AMPH: variants seen among roughly 807,000 people sequenced by gnomAD.
The protein encoded by AMPH is amphiphysin.
A neutral mutation model predicts 99.1 loss-of-function variants in AMPH; 49 were observed. That is an observed-to-expected ratio of 0.49 (90% CI 0.39 to 0.63). The LOEUF (loss-of-function observed/expected upper bound fraction) is 0.63. Among genes scored for constraint, AMPH ranks in the 20% least tolerant of loss-of-function variants. The probability of loss-of-function intolerance (pLI) is 0.00; values close to 1 mark genes in which losing one functional copy is unlikely to be tolerated. For synonymous variants in AMPH, 314 were observed against 317.3 expected, an observed-to-expected ratio of 0.99 and a Z score of 0.11; for missense variants, 759 against 863.4, an observed-to-expected ratio of 0.88 and a Z score of 1.52.
chr7:38,398,672 T>A (rs1784755751), intron 17 of AMPH, among the ~76,000 whole-genome samples: 1 of 152,106 alleles, frequency 6.6e-6, no homozygotes, highest in Non-Finnish European at 1.5e-5. Context: ...TTGTACATTT[T>A]AAAATAACTA....
At chr7:38,618,176 A>G (rs1368075174) in intron 1 of AMPH, among the ~76,000 whole-genome samples, 1 of 152,214 alleles carries the variant, frequency 6.6e-6, no homozygotes, top group African/African-American at 2.4e-5. Flanking sequence ...GACAGTATAA[A>G]TGCATTATTG....
At chr7:38,474,509 A>C (rs1403881068) in intron 7 of AMPH, among the ~76,000 whole-genome samples, 1 of 152,198 alleles carries the variant, frequency 6.6e-6, no homozygotes, top group Non-Finnish European at 1.5e-5. Context: ...TAGACCCTCA[A>C]AATGCTTACA....
At chr7:38,630,975 G>T (rs530208380) in intron 1 of AMPH, among the ~76,000 whole-genome samples, 1 of 152,210 alleles carries the variant, frequency 6.6e-6, no homozygotes, top group African/African-American at 2.4e-5. Flanking sequence ...TACTTCTGTT[G>T]CCTGGCTTGG....
In AMPH at chr7:38,416,545, A is replaced by G. The variant is rs182707832; in HGVS notation, c.1398+1280T>C. Among the ~76,000 whole-genome samples the G allele has an allele frequency of 5.5e-3, 836 of 152,306 alleles. 12 individuals carry two copies. The highest frequency in any genetic ancestry group is 6.5e-3 in the Non-Finnish European group (444 of 68,020). Reference sequence around the variant, plus strand: ...ACAATTTCCCTCAAAACCTAAATCAATATCTTTTTAACTCCCTGGCATCAT... The same window carrying G: ...ACAATTTCCCTCAAAACCTAAATCAGTATCTTTTTAACTCCCTGGCATCAT... On this transcript the variant is annotated intron_variant, in intron 17 of 20. Coordinates refer to ENST00000356264, the MANE Select transcript of AMPH (RefSeq NM_001635.4).
At chr7:38,423,368 G>C (rs180750934) in intron 15 of AMPH, among the ~76,000 whole-genome samples, 1 of 152,112 alleles carries the variant, frequency 6.6e-6, no homozygotes, top group African/African-American at 2.4e-5. Flanking sequence ...GGAGACCCAG[G>C]TGTCTTTCCT....
intron 1 of AMPH, among the ~76,000 whole-genome samples, 158 bp downstream of exon 1, chr7:38,631,125 C>G (rs1352327307): frequency 1.3e-5 from 2 of 151,854 alleles, no homozygotes; most frequent in African/African-American, 4.8e-5. Flanking sequence ...GCGGCAGTCA[C>G]CGAGCTGAGG....
chr7:38,406,253 A>T (rs1385112067), intron 17 of AMPH, among the ~76,000 whole-genome samples: 1 of 152,178 alleles, frequency 6.6e-6, no homozygotes, highest in Non-Finnish European at 1.5e-5. Flanking sequence ...AAATACTTAC[A>T]TCAAAAAGAT....
At chr7:38,610,310 AG>A (rs1793606474) in intron 1 of AMPH, among the ~76,000 whole-genome samples, 19 of 37,646 alleles carry the variant, frequency 5.0e-4, no homozygotes, top group Non-Finnish European at 6.4e-4. Flanking sequence ...AGAAAAGAAA[AG>A]AAAAGAAAAG....
intron 1 of AMPH, among the ~76,000 whole-genome samples, chr7:38,540,415 G>T (rs992178940): frequency 1.3e-5 from 2 of 151,960 alleles, no homozygotes; most frequent in African/African-American, 4.8e-5. Flanking sequence ...CTCAGAAGTT[G>T]TGATCTAGTC....
chr7:38,595,565 T>C (rs1793022667), intron 1 of AMPH, among the ~76,000 whole-genome samples: 1 of 152,160 alleles, frequency 6.6e-6, no homozygotes, highest in Non-Finnish European at 1.5e-5. Context: ...TCCAACTTTA[T>C]TTTTTTATCT....
chr7:38,473,422 AGGCCGGGCGCGGTGGCTC>A (rs1787956204), intron 7 of AMPH, among the ~76,000 whole-genome samples: 2 of 130,502 alleles, frequency 1.5e-5, no homozygotes, highest in South Asian at 2.7e-4. Context: ...TATTCCATGA[AGGCCGGGCGCGGTGGCTC>A]ACGCCTGTAA....
At chr7:38,389,691 G>T in intron 20 of AMPH, 113 bp downstream of exon 20, 5 of 841,532 alleles carry the variant, frequency 5.9e-6, no homozygotes, top group Non-Finnish European at 9.8e-6. Flanking sequence ...GCCCTTTTCA[G>T]ATGGCTTGTA....
intron 1 of AMPH, among the ~76,000 whole-genome samples, chr7:38,550,958 C>T (rs6942910): frequency 0.43 from 65,192 of 151,872 alleles, 14,043 homozygotes; most frequent in Non-Finnish European, 0.46. Context: ...CTCAGTGACA[C>T]TCAAAAACTT....
At chr7:38,581,453 T>C (rs1394128701) in intron 1 of AMPH, among the ~76,000 whole-genome samples, 1 of 152,146 alleles carries the variant, frequency 6.6e-6, no homozygotes, top group Non-Finnish European at 1.5e-5. Flanking sequence ...AGAGGGGAAC[T>C]GGCAGGGAAG....
intron 1 of AMPH, among the ~76,000 whole-genome samples, chr7:38,565,046 C>T (rs1447501409): frequency 6.6e-6 from 1 of 151,238 alleles, no homozygotes; most frequent in Admixed American, 6.6e-5. Context: ...ATGGCGTGAA[C>T]CCGGGAGGCA....
At chr7:38,541,017 T>TA (rs60200785) in intron 1 of AMPH, among the ~76,000 whole-genome samples, 220 of 97,254 alleles carry the variant, frequency 2.3e-3, no homozygotes, top group African/African-American at 5.4e-3. Flanking sequence ...TTTCTGTTCT[T>TA]AAAAAAAAAA....
Position 38,413,894 on chromosome 7 carries a change from T to A in AMPH, c.1398+3931A>T, listed in dbSNP as rs1039012137. Among the ~76,000 whole-genome samples, 3 of 152,222 alleles carry A rather than the reference T, an allele frequency of 2.0e-5. No individual in the cohort carries two copies. In the East Asian group the frequency reaches 5.8e-4, roughly 29 times the overall value. ...CAGGGGAAACGCTAGCTCTCATGTT[T>A]ACTCTGCAAAAGGATAAAACCCAAA... On this transcript the variant is annotated intron_variant, in intron 17 of 20. Transcript: ENST00000356264.
chr7:38,457,502 A>G (rs1457872327), intron 11 of AMPH, among the ~76,000 whole-genome samples: 1 of 152,232 alleles, frequency 6.6e-6, no homozygotes, highest in Non-Finnish European at 1.5e-5. Flanking sequence ...GAAATAACCC[A>G]GTGAGACAAA....
At chr7:38,561,558 A>G (rs1025312584) in intron 1 of AMPH, among the ~76,000 whole-genome samples, 36 of 152,320 alleles carry the variant, frequency 2.4e-4, no homozygotes, top group African/African-American at 8.7e-4. Context: ...AAAACCACAG[A>G]GCTTCATGAC....
Sources: allele counts gnomAD v4.1 joint callset (sites outside exome capture counted in the v4.1 genomes callset), GRCh38; gene constraint gnomAD v4.1.1; transcripts MANE v1.5; gene names NCBI Gene and HGNC (gene_info 2026-07-23, HGNC 2026-07-21).